The following SGCZ variants were observed in gnomAD, a reference collection of about 807,000 sequenced individuals.
SGCZ encodes sarcoglycan zeta, also known as zeta-sarcoglycan.
A neutral mutation model predicts 41.3 loss-of-function variants in SGCZ; 40 were observed. The observed-to-expected ratio is 0.97, with a 90% confidence interval of 0.75 to 1.26. SGCZ has a LOEUF of 1.26. Among genes scored for constraint, SGCZ ranks in the 50% most tolerant of loss-of-function variants. The pLI, the probability that SGCZ is intolerant of heterozygous loss-of-function variation, is 0.00. For synonymous variants in SGCZ, 206 were observed against 137.5 expected (o/e 1.50, Z -3.49); for missense variants, 552 against 369.8 (o/e 1.49, Z -4.04).
chr8:14,611,056 T>C (rs1056941879), intron 1 of SGCZ, among the ~76,000 whole-genome samples: 49 of 152,180 alleles, frequency 3.2e-4, no homozygotes, highest in African/African-American at 1.0e-3. Flanking sequence ...AATCTTTTAT[T>C]GGAAGATAGT....
chr8:14,420,346 C>T (rs1431280115), intron 2 of SGCZ, among the ~76,000 whole-genome samples: 1 of 152,030 alleles, frequency 6.6e-6, no homozygotes, highest in Admixed American at 6.6e-5. Flanking sequence ...CTAATTATTG[C>T]TATTCACAAT....
At chr8:14,362,752 G>C (rs1356118527) in intron 2 of SGCZ, among the ~76,000 whole-genome samples, 2 of 152,168 alleles carry the variant, frequency 1.3e-5, no homozygotes, top group Non-Finnish European at 2.9e-5. Flanking sequence ...AGATGAAAAT[G>C]CAGAAATCAC....
intron 1 of SGCZ, among the ~76,000 whole-genome samples, chr8:15,189,015 G>A (rs1197160141): frequency 6.6e-6 from 1 of 152,144 alleles, no homozygotes; most frequent in East Asian, 1.9e-4. Flanking sequence ...TGCTCACAGA[G>A]ATGGAAGAAA....
At chr8:14,409,686 G>C (rs1799308650) in intron 2 of SGCZ, among the ~76,000 whole-genome samples, 1 of 152,060 alleles carries the variant, frequency 6.6e-6, no homozygotes, top group African/African-American at 2.4e-5. Context: ...CACCATATTT[G>C]TGAAATAACG....
intron 1 of SGCZ, among the ~76,000 whole-genome samples, chr8:15,182,282 G>C (rs564613695): frequency 6.6e-6 from 1 of 152,166 alleles, no homozygotes; most frequent in South Asian, 2.1e-4. Context: ...ATATAGATTA[G>C]CATTATACTA....
At chr8:14,155,895 C>A (rs1333833359) in intron 5 of SGCZ, among the ~76,000 whole-genome samples, 1 of 152,082 alleles carries the variant, frequency 6.6e-6, no homozygotes, top group African/African-American at 2.4e-5. Context: ...AGCTACAAAC[C>A]TGTACAGCAT....
intron 1 of SGCZ, among the ~76,000 whole-genome samples, chr8:14,768,691 G>T (rs2255785): frequency 6.6e-6 from 1 of 151,934 alleles, no homozygotes; most frequent in Non-Finnish European, 1.5e-5. Context: ...CAAGAGATGC[G>T]GGAGTATGAT....
intron 2 of SGCZ, among the ~76,000 whole-genome samples, chr8:14,414,176 G>A (rs1799433988): frequency 6.6e-6 from 1 of 151,786 alleles, no homozygotes; most frequent in African/African-American, 2.4e-5. Flanking sequence ...ACACAGAAAT[G>A]AACGCACACA....
At chr8:14,454,753 G>A (rs1009756103) in intron 2 of SGCZ, among the ~76,000 whole-genome samples, 1 of 152,126 alleles carries the variant, frequency 6.6e-6, no homozygotes, top group African/African-American at 2.4e-5. Flanking sequence ...TTGTATAAAG[G>A]ATAAGTGACA....
chr8:14,143,556 C>G (rs1007730282), intron 5 of SGCZ, among the ~76,000 whole-genome samples: 13 of 152,210 alleles, frequency 8.5e-5, no homozygotes, highest in African/African-American at 2.4e-4. Flanking sequence ...AATTCTGAAA[C>G]ACCATATTGG....
chr8:14,744,295 C>A (rs1266110322), intron 1 of SGCZ, among the ~76,000 whole-genome samples: 1 of 152,086 alleles, frequency 6.6e-6, no homozygotes, highest in Admixed American at 6.6e-5. Context: ...GCCAAATGTG[C>A]CTATATTATT....
intron 4 of SGCZ, among the ~76,000 whole-genome samples, chr8:14,215,147 T>G (rs1249989899): frequency 1.3e-5 from 2 of 152,088 alleles, no homozygotes; most frequent in Non-Finnish European, 2.9e-5. Flanking sequence ...TTTAAATAGT[T>G]TAAAGACACA....
At chr8:15,112,320 T>C (rs944010141) in intron 1 of SGCZ, among the ~76,000 whole-genome samples, 7 of 152,252 alleles carry the variant, frequency 4.6e-5, no homozygotes, top group African/African-American at 1.4e-4. Context: ...TTCAAGTCAT[T>C]AATGTGCAAA....
At chr8:14,301,877 A>C (rs1018627558) in intron 3 of SGCZ, among the ~76,000 whole-genome samples, 1 of 152,186 alleles carries the variant, frequency 6.6e-6, no homozygotes, top group Non-Finnish European at 1.5e-5. Context: ...CAAAGCACCA[A>C]AAAAGTATTT....
chr8:15,019,278 G>A (rs1803160864), intron 1 of SGCZ, among the ~76,000 whole-genome samples: 2 of 152,172 alleles, frequency 1.3e-5, no homozygotes, highest in African/African-American at 4.8e-5. Context: ...TCCAGGTGCA[G>A]AGAAATGGAA....
intron 2 of SGCZ, among the ~76,000 whole-genome samples, chr8:14,467,794 G>T (rs1241229864): frequency 6.6e-6 from 1 of 151,980 alleles, no homozygotes; most frequent in African/African-American, 2.4e-5. Flanking sequence ...ACATCATACT[G>T]TAATAGTATT....
chr8:15,016,515 G>A (rs553396029), intron 1 of SGCZ, among the ~76,000 whole-genome samples: 11 of 152,248 alleles, frequency 7.2e-5, no homozygotes, highest in East Asian at 1.9e-4. Flanking sequence ...AGAATAAAGC[G>A]ACTTCTTCCA....
In SGCZ at chr8:14,630,464, C is replaced by T. The variant is rs184407989; in HGVS notation, c.40-75538G>A. Among the ~76,000 whole-genome samples, 16 of 152,086 alleles carry T rather than the reference C, an allele frequency of 1.1e-4. No homozygotes were observed. The South Asian group carries it at 1.5e-3, about 14-fold the overall frequency. ...TCAACCACTGTGGAAGACAGTGTGG[C>T]GATTCCTCAAGGATCTAGAACTAGA... On this transcript the variant is annotated intron_variant, in intron 1 of 7. Transcript: ENST00000382080.
At chr8:14,972,357 TTTC>T (rs1251038068) in intron 1 of SGCZ, among the ~76,000 whole-genome samples, 1 of 152,062 alleles carries the variant, frequency 6.6e-6, no homozygotes, top group Non-Finnish European at 1.5e-5. Context: ...GTTGATTGAT[TTTC>T]TTTTTTCCAT....
Sources: gnomAD v4.1 joint callset for allele counts (sites outside exome capture counted in the v4.1 genomes callset) on GRCh38, gnomAD v4.1.1 for gene constraint, MANE v1.5 for transcripts, NCBI Gene and HGNC (gene_info 2026-07-23, HGNC 2026-07-21) for gene names.